The following ELAVL2 variants were observed in gnomAD, a reference collection of about 807,000 sequenced individuals.
ELAVL2 encodes ELAV-like protein 2.
Under a neutral mutation model 34.6 loss-of-function variants are expected in ELAVL2, and 4 were observed. That is an observed-to-expected ratio of 0.12 (90% CI 0.06 to 0.26). The LOEUF is 0.26. Ranked by LOEUF, ELAVL2 falls within the 10% of genes least tolerant of loss-of-function variation. ELAVL2 has a pLI of 1.00. For synonymous variants in ELAVL2, 193 were observed against 154.8 expected, an observed-to-expected ratio of 1.25 and a Z score of -1.83; for missense variants, 432 against 442.8, an observed-to-expected ratio of 0.98 and a Z score of 0.22.
intron 3 of ELAVL2, among the ~76,000 whole-genome samples, chr9:23,712,195 T>C (rs1026017037): frequency 2.6e-5 from 4 of 152,104 alleles, no homozygotes; most frequent in Non-Finnish European, 4.4e-5. Context: ...GTGAAGCAAC[T>C]TTTCCAAAGA....
At chr9:23,743,745 TAAA>T (rs1259033009) in intron 2 of ELAVL2, among the ~76,000 whole-genome samples, 1 of 152,150 alleles carries the variant, frequency 6.6e-6, no homozygotes, top group Non-Finnish European at 1.5e-5. Flanking sequence ...GGTAGAGGGT[TAAA>T]AAAATCTTAT....
upstream of ELAVL2, among the ~76,000 whole-genome samples, chr9:23,830,848 C>G (rs926832677): frequency 6.6e-6 from 1 of 151,854 alleles, no homozygotes; most frequent in African/African-American, 2.4e-5. Flanking sequence ...GATAAACTCA[C>G]GTTTTTCCTG....
chr9:23,806,647 T>C (rs1247458075), intron 1 of ELAVL2, among the ~76,000 whole-genome samples: 1 of 151,716 alleles, frequency 6.6e-6, no homozygotes, highest in Non-Finnish European at 1.5e-5. Context: ...AATAAGACAA[T>C]AAGACCCACT....
At chr9:23,792,746 A>C (rs919585791) in intron 1 of ELAVL2, among the ~76,000 whole-genome samples, 4 of 152,042 alleles carry the variant, frequency 2.6e-5, no homozygotes, top group African/African-American at 9.7e-5. Context: ...CTGTTGCATT[A>C]TTTTATTTAC....
chr9:23,848,893 G>A, the ELAVL2 span, among the ~76,000 whole-genome samples: 1 of 152,120 alleles, frequency 6.6e-6, no homozygotes, highest in African/African-American at 2.4e-5. Flanking sequence ...AAATGGGCAG[G>A]TCCATTCCAA....
At chr9:23,843,408 T>C in the ELAVL2 span, among the ~76,000 whole-genome samples, 1 of 152,110 alleles carries the variant, frequency 6.6e-6, no homozygotes, top group South Asian at 2.1e-4. Flanking sequence ...CTAATCACTC[T>C]GAAGTGAAGA....
chr9:23,733,143 T>A (rs1382805701), intron 2 of ELAVL2, among the ~76,000 whole-genome samples: 1 of 145,702 alleles, frequency 6.9e-6, no homozygotes, highest in Non-Finnish European at 1.5e-5. Context: ...ATTCTCAAAC[T>A]TGACTGCAAT....
chr9:23,815,939 G>A (rs1474206067), intron 1 of ELAVL2, among the ~76,000 whole-genome samples: 1 of 152,022 alleles, frequency 6.6e-6, no homozygotes, highest in Non-Finnish European at 1.5e-5. Context: ...AATGCTAAAG[G>A]CCCACATCAC....
intron 3 of ELAVL2, among the ~76,000 whole-genome samples, chr9:23,710,695 T>A (rs1411114721): frequency 2.0e-5 from 3 of 152,204 alleles, no homozygotes; most frequent in Non-Finnish European, 4.4e-5. Flanking sequence ...AGGTCACAGT[T>A]ATGCCTATTT....
chr9:23,777,986 C>G (rs1327335941), intron 1 of ELAVL2, among the ~76,000 whole-genome samples: 1 of 151,896 alleles, frequency 6.6e-6, no homozygotes, highest in East Asian at 1.9e-4. Flanking sequence ...GTGGCCTACT[C>G]TGAACATTCT....
chr9:23,845,913 G>A, the ELAVL2 span, among the ~76,000 whole-genome samples: 77 of 151,938 alleles, frequency 5.1e-4, 1 homozygote, highest in African/African-American at 1.8e-3. Context: ...CAGGTGAAAA[G>A]TGAAATATTG....
At chr9:23,714,152 C>G (rs1411214839) in intron 3 of ELAVL2, among the ~76,000 whole-genome samples, 2 of 152,132 alleles carry the variant, frequency 1.3e-5, no homozygotes, top group Non-Finnish European at 2.9e-5. Flanking sequence ...AGACACTGTT[C>G]TGGATATGTA....
chr9:23,836,522 C>A, the ELAVL2 span, among the ~76,000 whole-genome samples: 1 of 152,020 alleles, frequency 6.6e-6, no homozygotes, highest in Admixed American at 6.6e-5. Context: ...CCATATTAGT[C>A]ATATCAAAAG....
intron 4 of ELAVL2, among the ~76,000 whole-genome samples, chr9:23,702,969 A>ACAAAAC (rs1554663947): frequency 2.1e-5 from 3 of 146,000 alleles, no homozygotes; most frequent in Non-Finnish European, 4.5e-5. Flanking sequence ...AAAAAAAAAA[A>ACAAAAC]AAAAAAAAAA....
intron 1 of ELAVL2, among the ~76,000 whole-genome samples, chr9:23,800,754 T>TA (rs1434075299): frequency 1.3e-5 from 2 of 152,222 alleles, no homozygotes; most frequent in Non-Finnish European, 2.9e-5. Flanking sequence ...ACTTTAAATT[T>TA]AGTTTGGGAA....
chr9:23,744,586 T>C (rs1343163503), intron 2 of ELAVL2, among the ~76,000 whole-genome samples: 1 of 152,050 alleles, frequency 6.6e-6, no homozygotes, highest in Non-Finnish European at 1.5e-5. Flanking sequence ...GTTATCCTAA[T>C]TGACAACAAC....
intron 5 of ELAVL2, among the ~76,000 whole-genome samples, chr9:23,700,983 C>A (rs879735216): frequency 1.3e-5 from 2 of 152,114 alleles, no homozygotes; most frequent in Admixed American, 1.3e-4. Flanking sequence ...TGCTTTGGAC[C>A]AGGTAACTTC....
At chr9:23,815,881 A>C (rs546861629) in intron 1 of ELAVL2, among the ~76,000 whole-genome samples, 1 of 152,304 alleles carries the variant, frequency 6.6e-6, no homozygotes, top group South Asian at 2.1e-4. Context: ...AATGGATTTT[A>C]AAACAAACTA....
intron 1 of ELAVL2, among the ~76,000 whole-genome samples, chr9:23,763,153 G>A (rs1049392558): frequency 2.0e-5 from 3 of 152,040 alleles, no homozygotes; most frequent in African/African-American, 4.8e-5. Context: ...AGGAATTCTC[G>A]TCTGAGCACA....
Sources: gnomAD v4.1 joint callset for allele counts (sites outside exome capture counted in the v4.1 genomes callset) on GRCh38, gnomAD v4.1.1 for gene constraint, MANE v1.5 for transcripts, NCBI Gene and HGNC (gene_info 2026-07-23, HGNC 2026-07-21) for gene names.